Variants in LMAN1 observed in about 807,000 individuals in gnomAD.
The protein encoded by LMAN1 is protein ERGIC-53.
A neutral mutation model predicts 67.8 loss-of-function variants in LMAN1; 32 were observed. The ratio of observed to expected loss-of-function variants is 0.47; its 90% CI spans 0.36 to 0.63. LMAN1 has a LOEUF of 0.63. LMAN1 is among the 30% of genes least tolerant of loss of function. The pLI is 0.00. For missense variants in LMAN1, 632 were observed against 628.2 expected, an observed-to-expected ratio of 1.01 and a Z score of -0.06; for synonymous variants, 235 against 219.3, an observed-to-expected ratio of 1.07 and a Z score of -0.63.
chr18:59,332,665 C>T (rs2070754621), intron 11 of LMAN1, among the ~76,000 whole-genome samples: 1 of 152,066 alleles, frequency 6.6e-6, no homozygotes, highest in African/African-American at 2.4e-5. Context: ...AGAAGACAAC[C>T]AGCAGAGTCA....
At chr18:59,343,985 T>A (rs1382292939) in intron 8 of LMAN1, among the ~76,000 whole-genome samples, 1 of 152,042 alleles carries the variant, frequency 6.6e-6, no homozygotes, top group Non-Finnish European at 1.5e-5. Context: ...GCAAAGAGCA[T>A]GAACAGACAT....
chr18:59,345,847 G>A (rs1392823894), intron 8 of LMAN1, 72 bp downstream of exon 8: 2 of 1,568,498 alleles, frequency 1.3e-6, no homozygotes, highest in African/African-American at 1.4e-5. Flanking sequence ...AGGCAACACA[G>A]AGACTCAAGC....
intron 6 of LMAN1, among the ~76,000 whole-genome samples, chr18:59,348,265 T>C (rs1908464453): frequency 6.6e-6 from 1 of 152,252 alleles, no homozygotes; most frequent in African/African-American, 2.4e-5. Flanking sequence ...TTATGCTTTG[T>C]ACTGTTTTTA....
chr18:59,335,097 G>A (rs955747132), intron 10 of LMAN1, among the ~76,000 whole-genome samples: 3 of 152,080 alleles, frequency 2.0e-5, no homozygotes, highest in Non-Finnish European at 4.4e-5. Flanking sequence ...GCACAAAAGA[G>A]TATCTAGAAT....
chr18:59,346,919 TTC>T (rs1405312522), intron 7 of LMAN1, among the ~76,000 whole-genome samples: 5 of 152,056 alleles, frequency 3.3e-5, no homozygotes, highest in South Asian at 2.1e-4. Flanking sequence ...GTACAAACAT[TTC>T]TGTTTTAGCA....
chr18:59,337,325 A>G (rs777138156), intron 10 of LMAN1, among the ~76,000 whole-genome samples: 32 of 152,134 alleles, frequency 2.1e-4, no homozygotes, highest in Non-Finnish European at 3.8e-4. Context: ...ACTACTGCAG[A>G]CTGCAGAAGG....
intron 7 of LMAN1, among the ~76,000 whole-genome samples, 198 bp from the exon 8 acceptor site, chr18:59,346,249 C>T (rs1357927361): frequency 2.2e-4 from 28 of 125,574 alleles, no homozygotes; most frequent in Non-Finnish European, 4.0e-4. Context: ...AGACAAGAGT[C>T]GCGCTCTGTC....
At chr18:59,341,905 A>G (rs1389528943) in intron 8 of LMAN1, among the ~76,000 whole-genome samples, 1 of 152,164 alleles carries the variant, frequency 6.6e-6, no homozygotes, top group South Asian at 2.1e-4. Flanking sequence ...TGCTTCCTTG[A>G]AAAGATAAAC....
Position 59,359,101 on chromosome 18 carries a change from G to A in LMAN1, c.144C>T (p.Tyr48=), listed in dbSNP as rs1188363094. The A allele has an allele frequency of 2.5e-6, 4 of 1,614,102 alleles. No individual in the cohort carries two copies. The Admixed American group carries it at 6.7e-5, about 27-fold the overall frequency. ...GGTGCGGCCCCTTGAAGCTGTATTT[G>A]TACTCGAAACGGCGATGTGGCAACG... ...AVALPHRRFE[Y]KYSFKGPHLV... Residue 48 remains tyrosine, a synonymous_variant, in exon 1 of 13, where the codon TAC becomes TAT. Coordinates refer to ENST00000251047, the MANE Select transcript of LMAN1 (RefSeq NM_005570.4).
chr18:59,337,843 T>C (rs966317147), intron 10 of LMAN1, among the ~76,000 whole-genome samples: 1 of 152,228 alleles, frequency 6.6e-6, no homozygotes, highest in African/African-American at 2.4e-5. Context: ...CCTTGTTTAA[T>C]TCTCCAGTCC....
rs2070741429 is a variant in LMAN1 at position 59,330,551 on chromosome 18, T to C, written c.*542A>G. ...AAAAATTTCACTTAACATTTTGAAG[T>C]CTATTACCAGATCCTTAAAGCTCTC... On this transcript the variant is annotated 3_prime_UTR_variant, in exon 13 of 13. Transcript: ENST00000251047. 1 of 152,682 alleles carries C rather than the reference T, an allele frequency of 6.5e-6. No individual in the cohort carries two copies. Among genetic ancestry groups the C allele is most frequent in the South Asian group, 2.1e-4 (1 of 4,832 alleles). 9.5% of individuals were successfully genotyped at this position (152,682 alleles called of 1,614,324 possible).
At chr18:59,353,449 C>T (rs986319225) in intron 4 of LMAN1, 148 bp from the exon 5 acceptor site, 10 of 662,512 alleles carry the variant, frequency 1.5e-5, no homozygotes, top group South Asian at 1.3e-4. Flanking sequence ...CTACATGAGA[C>T]TAAGGCAGTG....
intron 5 of LMAN1, chr18:59,351,561 A>C (rs1261367864): frequency 1.3e-5 from 2 of 152,230 alleles, no homozygotes; most frequent in Non-Finnish European, 2.9e-5. Flanking sequence ...CAGTCTGGGA[A>C]ATGTGAGGTC....
intron 10 of LMAN1, among the ~76,000 whole-genome samples, chr18:59,337,146 T>C: frequency 6.7e-6 from 1 of 148,854 alleles, no homozygotes; most frequent in African/African-American, 2.4e-5. Flanking sequence ...AGTAATATCT[T>C]ACCAATCTTA....
chr18:59,344,473 C>T (rs1908356304), intron 8 of LMAN1, among the ~76,000 whole-genome samples: 1 of 152,058 alleles, frequency 6.6e-6, no homozygotes, highest in Non-Finnish European at 1.5e-5. Flanking sequence ...TAGACTACTA[C>T]TCAGCCATAA....
At chr18:59,335,742 T>C (rs529007441) in intron 10 of LMAN1, among the ~76,000 whole-genome samples, 125 of 152,202 alleles carry the variant, frequency 8.2e-4, no homozygotes, top group Non-Finnish European at 1.5e-3. Context: ...TCAGCCATAA[T>C]GAAAAGAGTA....
intron 5 of LMAN1, among the ~76,000 whole-genome samples, chr18:59,350,282 T>C (rs868732841): frequency 1.3e-5 from 2 of 152,238 alleles, no homozygotes. Flanking sequence ...TATTTCATTT[T>C]ACATCATTTA....
chr18:59,340,021 G>A (rs929983604), intron 8 of LMAN1, among the ~76,000 whole-genome samples: 2 of 152,138 alleles, frequency 1.3e-5, no homozygotes, highest in African/African-American at 4.8e-5. Context: ...CCTGCAATGG[G>A]CTCTTGTGAA....
At chr18:59,332,509 A>G (rs2070753480) in intron 11 of LMAN1, among the ~76,000 whole-genome samples, 1 of 152,160 alleles carries the variant, frequency 6.6e-6, no homozygotes, top group Non-Finnish European at 1.5e-5. Flanking sequence ...TTATTAATCT[A>G]TTAGTATATT....
Sources: gnomAD v4.1 joint callset for allele counts (sites outside exome capture counted in the v4.1 genomes callset) on GRCh38, gnomAD v4.1.1 for gene constraint, MANE v1.5 for transcripts, NCBI Gene and HGNC (gene_info 2026-07-23, HGNC 2026-07-21) for gene names.